Variants in MTMR14 observed in about 807,000 individuals in gnomAD.
MTMR14 encodes phosphatidylinositol-3,5-bisphosphate 3-phosphatase MTMR14.
MTMR14 carries 48 observed loss-of-function variants against 86.3 expected under a neutral mutation model. That is an observed-to-expected ratio of 0.56 (90% confidence interval 0.44 to 0.71). The LOEUF (loss-of-function observed/expected upper bound fraction) is 0.71, where lower values mean the gene tolerates loss of function less well. MTMR14 is among the 30% of genes least tolerant of loss of function. The pLI, the probability that MTMR14 is intolerant of heterozygous loss-of-function variation, is 0.00. For synonymous variants in MTMR14, 366 were observed against 326.1 expected (o/e 1.12, Z -1.32); for missense variants, 780 against 834.6 (o/e 0.93, Z 0.81).
chr3:9,680,499 C>T (rs1174014770), intron 9 of MTMR14, among the ~76,000 whole-genome samples: 1 of 152,248 alleles, frequency 6.6e-6, no homozygotes, highest in Non-Finnish European at 1.5e-5. Context: ...TGTACATGGC[C>T]TACCCAGCTC....
In MTMR14 at chr3:9,702,176, C is replaced by T; in HGVS notation, c.*203C>T. 2 of 650,564 alleles carry T rather than the reference C, an allele frequency of 3.1e-6. No homozygotes were observed. The highest frequency in any genetic ancestry group is 2.7e-6 in the Non-Finnish European group (1 of 367,116). 40.3% of individuals were successfully genotyped at this position (650,564 alleles called of 1,614,324 possible). The stretch of plus-strand genomic sequence containing the variant: ...CCAGCCTCTTGACTGGTGACCACCA[C>T]CCCTTCTTGTCACTGTCTCCCACCC... On this transcript the variant is annotated 3_prime_UTR_variant, in exon 19 of 19. Transcript: ENST00000296003.
chr3:9,654,768 T>C (rs902616879), intron 2 of MTMR14, among the ~76,000 whole-genome samples: 9 of 152,208 alleles, frequency 5.9e-5, no homozygotes, highest in African/African-American at 2.2e-4. Flanking sequence ...AATAACTTGT[T>C]AGAAACGCAG....
intron 9 of MTMR14, among the ~76,000 whole-genome samples, chr3:9,679,562 C>T (rs1370796046): frequency 6.6e-6 from 1 of 152,146 alleles, no homozygotes; most frequent in Non-Finnish European, 1.5e-5. Flanking sequence ...GGAAGGGGTC[C>T]TGTGCGTGTG....
chr3:9,666,986 C>T (rs1445428975), intron 3 of MTMR14, among the ~76,000 whole-genome samples: 2 of 152,208 alleles, frequency 1.3e-5, no homozygotes, highest in African/African-American at 4.8e-5. Flanking sequence ...ACTTGGCCAA[C>T]TTGTTTTTCT....
At chr3:9,682,449 G>A (rs890304018) in intron 9 of MTMR14, among the ~76,000 whole-genome samples, 3 of 152,172 alleles carry the variant, frequency 2.0e-5, no homozygotes, top group Admixed American at 6.5e-5. Flanking sequence ...AAAGGGTGCC[G>A]CAAAACTGGG....
chr3:9,688,795 T>C, intron 15 of MTMR14, 41 bp downstream of exon 15: 2 of 1,613,028 alleles, frequency 1.2e-6, no homozygotes, highest in Non-Finnish European at 1.7e-6. Context: ...CCTCCATACA[T>C]CTTCCCGTGT....
intron 2 of MTMR14, among the ~76,000 whole-genome samples, chr3:9,654,593 A>T (rs916231009): frequency 2.0e-5 from 3 of 152,192 alleles, no homozygotes; most frequent in Admixed American, 2.0e-4. Context: ...TTGCTCTCCT[A>T]ATCTCCCTAC....
intron 9 of MTMR14, among the ~76,000 whole-genome samples, chr3:9,682,504 T>C (rs1310709953): frequency 6.6e-6 from 1 of 152,180 alleles, no homozygotes; most frequent in Non-Finnish European, 1.5e-5. Context: ...GGCTGTTTCT[T>C]AGAGGGTCTG....
intron 9 of MTMR14, among the ~76,000 whole-genome samples, chr3:9,679,356 T>A (rs1250480572): frequency 6.6e-6 from 1 of 152,208 alleles, no homozygotes; most frequent in Admixed American, 6.5e-5. Flanking sequence ...ACTGAGTAGA[T>A]AAAAGAACCG....
intron 3 of MTMR14, among the ~76,000 whole-genome samples, chr3:9,666,198 A>G (rs2048249526): frequency 7.3e-6 from 1 of 137,426 alleles, no homozygotes; most frequent in African/African-American, 2.8e-5. Context: ...CAGTGGTGCC[A>G]TCTTGGCTCA....
intron 2 of MTMR14, among the ~76,000 whole-genome samples, chr3:9,657,375 G>T (rs3868891): frequency 2.0e-5 from 3 of 152,012 alleles, no homozygotes; most frequent in African/African-American, 4.8e-5. Context: ...ATTGAGAAAC[G>T]TAGTGGTGGT....
chr3:9,674,607 G>A (rs1245762244), intron 7 of MTMR14, among the ~76,000 whole-genome samples: 2 of 152,062 alleles, frequency 1.3e-5, no homozygotes, highest in African/African-American at 2.4e-5. Flanking sequence ...GGGAAACAGC[G>A]ACACTCTGTC....
intron 2 of MTMR14, among the ~76,000 whole-genome samples, chr3:9,657,252 G>T (rs1162299374): frequency 6.6e-6 from 1 of 152,084 alleles, no homozygotes. Flanking sequence ...AATCAACTGG[G>T]GATCTTTCTA....
rs1284944518 is a variant in MTMR14 at position 9,662,372 on chromosome 3, C to A, written c.414C>A (p.Gly138=). The part of the protein sequence containing the change: ...RFVCPVILFK[G]KHICRSATLA... ...TCTGCCCAGTAATCCTGTTCAAGGG[C>A]AAGGTAAGGCCCATACCATAGCTTC... Residue 138 remains glycine, a synonymous_variant, in exon 3 of 19, where the codon GGC becomes GGA. Transcript: ENST00000296003. 1 of 1,611,952 alleles carries A rather than the reference C, an allele frequency of 6.2e-7. No individual in the cohort carries two copies. The highest frequency in any genetic ancestry group is 8.5e-7 in the Non-Finnish European group (1 of 1,178,704).
intron 17 of MTMR14, among the ~76,000 whole-genome samples, chr3:9,693,610 G>A (rs2076200249): frequency 6.6e-6 from 1 of 152,234 alleles, no homozygotes; most frequent in South Asian, 2.1e-4. Context: ...TTCAGTAGAA[G>A]TGGATCATAA....
At chr3:9,685,616 C>T (rs1223153689) in intron 13 of MTMR14, among the ~76,000 whole-genome samples, 1 of 152,154 alleles carries the variant, frequency 6.6e-6, no homozygotes, top group Non-Finnish European at 1.5e-5. Context: ...AATGCAGCAG[C>T]ACTTCTCTTC....
rs1422896117 is a variant in MTMR14, at chr3:9,659,498, C to T, written c.309-2769C>T. Reference sequence around the variant, plus strand: ...TCATTCTGTTGCCCAGGCTGGAGTGCAGTGGCGTGATCTCTGCTCACCGCA... The same window carrying T: ...TCATTCTGTTGCCCAGGCTGGAGTGTAGTGGCGTGATCTCTGCTCACCGCA... On this transcript the variant is annotated intron_variant, in intron 2 of 18. Transcript: ENST00000296003. 7 of 288,924 alleles carry T rather than the reference C, an allele frequency of 2.4e-5. No individual in the cohort carries two copies. In the Admixed American group the frequency reaches 3.1e-4, roughly 13 times the overall value. 17.9% of individuals were successfully genotyped at this position (288,924 alleles called of 1,614,324 possible). A position where few individuals can be genotyped will look rare whatever the true frequency, so the allele number is the denominator to read the frequency against.
intron 17 of MTMR14, among the ~76,000 whole-genome samples, chr3:9,691,951 ACTT>A (rs1369350102): frequency 1.4e-4 from 22 of 152,194 alleles, no homozygotes; most frequent in Admixed American, 5.9e-4. Flanking sequence ...CTGGAGCCAG[ACTT>A]CTTCTGACTT....
chr3:9,692,428 T>C (rs2076164285), intron 17 of MTMR14, among the ~76,000 whole-genome samples: 1 of 152,254 alleles, frequency 6.6e-6, no homozygotes, highest in South Asian at 2.1e-4. Flanking sequence ...TTAGCTGTTG[T>C]TGCTGCAGCA....
Sources: allele counts gnomAD v4.1 joint callset (sites outside exome capture counted in the v4.1 genomes callset), GRCh38; gene constraint gnomAD v4.1.1; transcripts MANE v1.5; gene names NCBI Gene and HGNC (gene_info 2026-07-23, HGNC 2026-07-21).